Variants in DLG2 observed in about 807,000 individuals in gnomAD.
DLG2 encodes the protein disks large homolog 2.
DLG2 carries 45 observed loss-of-function variants against 132.5 expected under a neutral mutation model. That is an observed-to-expected ratio of 0.34 (90% CI 0.27 to 0.44). DLG2 has a LOEUF of 0.44. DLG2 is among the 20% of genes least tolerant of loss of function. DLG2 has a pLI of 1.00. For synonymous variants in DLG2, 424 were observed against 419.6 expected (o/e 1.01, Z -0.13); for missense variants, 1,045 against 1,196.9 (o/e 0.87, Z 1.87).
chr11:85,609,836 C>A (rs893777758), intron 2 of DLG2, among the ~76,000 whole-genome samples: 2 of 152,190 alleles, frequency 1.3e-5, no homozygotes, highest in African/African-American at 4.8e-5. Flanking sequence ...TCCTCAAGGT[C>A]CGTTACCATC....
At chr11:85,324,236 T>C (rs2081282737) in intron 3 of DLG2, among the ~76,000 whole-genome samples, 1 of 152,150 alleles carries the variant, frequency 6.6e-6, no homozygotes, top group South Asian at 2.1e-4. Context: ...TTGAATAGCT[T>C]CTACTTGTAT....
intron 11 of DLG2, among the ~76,000 whole-genome samples, chr11:84,010,555 G>A (rs960071441): frequency 7.2e-5 from 11 of 151,890 alleles, no homozygotes; most frequent in Admixed American, 2.0e-4. Context: ...TCCTGCCTCC[G>A]TCTCCCAAGG....
chr11:84,740,219 C>T (rs1321114878), intron 6 of DLG2, among the ~76,000 whole-genome samples: 1 of 151,852 alleles, frequency 6.6e-6, no homozygotes, highest in Non-Finnish European at 1.5e-5. Flanking sequence ...AATTGGAAGC[C>T]CCCGGGGGCA....
At chr11:83,484,347 T>C in intron 21 of DLG2, 119 bp from the exon 22 acceptor site, 2 of 705,784 alleles carry the variant, frequency 2.8e-6, no homozygotes, top group Non-Finnish European at 4.9e-6. Flanking sequence ...AAGTGGATAA[T>C]TCTAAAGTGG....
intron 10 of DLG2, among the ~76,000 whole-genome samples, chr11:84,075,905 A>G (rs2096824055): frequency 6.6e-6 from 1 of 152,172 alleles, no homozygotes; most frequent in Non-Finnish European, 1.5e-5. Flanking sequence ...TCCCTGACTT[A>G]ATGGTTGAAC....
At chr11:85,467,541 G>T (rs982715284) in intron 3 of DLG2, among the ~76,000 whole-genome samples, 1 of 152,134 alleles carries the variant, frequency 6.6e-6, no homozygotes, top group African/African-American at 2.4e-5. Flanking sequence ...TTTTGTCAAA[G>T]GCCTTTTCTG....
chr11:84,726,855 T>G (rs186691217), intron 6 of DLG2, among the ~76,000 whole-genome samples: 2 of 152,350 alleles, frequency 1.3e-5, no homozygotes, highest in African/African-American at 2.4e-5. Flanking sequence ...TAATAACCAG[T>G]GATAATGAGC....
intron 17 of DLG2, among the ~76,000 whole-genome samples, chr11:83,795,362 C>T (rs910456266): frequency 9.9e-5 from 15 of 151,748 alleles, no homozygotes; most frequent in African/African-American, 2.7e-4. Flanking sequence ...GAGCTGAGAT[C>T]GTGCCACTGC....
intron 3 of DLG2, among the ~76,000 whole-genome samples, chr11:85,454,246 A>T (rs977537454): frequency 6.6e-6 from 1 of 151,804 alleles, no homozygotes; most frequent in South Asian, 2.1e-4. Flanking sequence ...TCTGACTGGT[A>T]TGAGATGGTA....
chr11:83,858,872 CA>C (rs1458997643), intron 16 of DLG2, among the ~76,000 whole-genome samples: 3 of 152,300 alleles, frequency 2.0e-5, no homozygotes, highest in African/African-American at 7.2e-5. Context: ...TATTGGAATA[CA>C]CAAACACAAA....
chr11:85,351,524 T>C (rs1333297432), intron 3 of DLG2, among the ~76,000 whole-genome samples: 1 of 152,216 alleles, frequency 6.6e-6, no homozygotes, highest in Non-Finnish European at 1.5e-5. Context: ...TTTTGCCCAT[T>C]CAGTATGATA....
intron 7 of DLG2, among the ~76,000 whole-genome samples, chr11:84,326,219 A>G (rs1349900842): frequency 1.3e-5 from 2 of 150,906 alleles, no homozygotes; most frequent in African/African-American, 2.4e-5. Context: ...TTTTTCTTTT[A>G]ATTTTATTCT....
chr11:84,821,628 A>G (rs1422354010), intron 6 of DLG2, among the ~76,000 whole-genome samples: 1 of 113,236 alleles, frequency 8.8e-6, no homozygotes, highest in Non-Finnish European at 1.9e-5. Flanking sequence ...CATACAATGT[A>G]AAAAAAAAAA....
intron 6 of DLG2, among the ~76,000 whole-genome samples, chr11:84,707,949 A>G (rs1179099477): frequency 1.3e-5 from 2 of 151,862 alleles, no homozygotes. Context: ...CAAACAAGAA[A>G]AATAGAGACT....
intron 15 of DLG2, among the ~76,000 whole-genome samples, chr11:83,881,125 GT>G (rs1434803614): frequency 6.6e-6 from 1 of 152,172 alleles, no homozygotes; most frequent in Non-Finnish European, 1.5e-5. Flanking sequence ...TGAACTCATA[GT>G]TCCAGATGTG....
chr11:84,136,593 A>G (rs1489638419), intron 9 of DLG2, among the ~76,000 whole-genome samples: 1 of 152,170 alleles, frequency 6.6e-6, no homozygotes, highest in South Asian at 2.1e-4. Flanking sequence ...TAACATGTTA[A>G]TAGTAAGTAC....
At chr11:85,284,790 G>A (rs577038656) in intron 4 of DLG2, among the ~76,000 whole-genome samples, 1 of 151,934 alleles carries the variant, frequency 6.6e-6, no homozygotes, top group African/African-American at 2.4e-5. Context: ...ACTGGAAATA[G>A]GAATTCTAAT....
At chr11:84,850,557 A>G (rs2082052780) in intron 6 of DLG2, among the ~76,000 whole-genome samples, 1 of 152,166 alleles carries the variant, frequency 6.6e-6, no homozygotes, top group South Asian at 2.1e-4. Context: ...AGCCAGGGCA[A>G]TTAGTCAAGA....
chr11:84,130,450 C>A (rs1189772888), intron 9 of DLG2, among the ~76,000 whole-genome samples: 1 of 139,622 alleles, frequency 7.2e-6, no homozygotes, highest in Non-Finnish European at 1.6e-5. Flanking sequence ...AGCTCTGCAA[C>A]TGTAAGAAAT....
Sources: gnomAD v4.1 joint callset for allele counts (sites outside exome capture counted in the v4.1 genomes callset) on GRCh38, gnomAD v4.1.1 for gene constraint, MANE v1.5 for transcripts, NCBI Gene and HGNC (gene_info 2026-07-23, HGNC 2026-07-21) for gene names.